Variants in CIT observed in about 807,000 individuals in gnomAD.
CIT encodes citron Rho-interacting kinase.
Under a neutral mutation model 272.7 loss-of-function variants are expected in CIT, and 79 were observed. The ratio of observed to expected loss-of-function variants is 0.29; its 90% CI spans 0.24 to 0.35. CIT has a LOEUF of 0.35. CIT is among the 10% of genes least tolerant of loss of function. The pLI, the probability that CIT is intolerant of heterozygous loss-of-function variation, is 1.00. For missense variants in CIT, 1,909 were observed against 2,618.3 expected (o/e 0.73, Z 5.91); for synonymous variants, 948 against 995.6 (o/e 0.95, Z 0.90).
intron 24 of CIT, among the ~76,000 whole-genome samples, chr12:119,738,171 T>G (rs1369856437): frequency 6.6e-6 from 1 of 152,178 alleles, no homozygotes; most frequent in Non-Finnish European, 1.5e-5. Context: ...AACTCAAGAA[T>G]CTACATTCTT....
chr12:119,810,338 G>A (rs2137938342), intron 9 of CIT, among the ~76,000 whole-genome samples: 1 of 152,252 alleles, frequency 6.6e-6, no homozygotes, highest in South Asian at 2.1e-4. Context: ...CTTCTGTGGT[G>A]TTGACAGTTA....
chr12:119,829,398 AGAG>A (rs1430828856), intron 7 of CIT, among the ~76,000 whole-genome samples: 4 of 145,228 alleles, frequency 2.8e-5, no homozygotes, highest in African/African-American at 1.0e-4. Flanking sequence ...AGAGAAGAGA[AGAG>A]AAGAGCTTAC....
chr12:119,860,862 T>C, intron 3 of CIT, among the ~76,000 whole-genome samples: 1 of 150,588 alleles, frequency 6.6e-6, no homozygotes, highest in East Asian at 1.9e-4. Context: ...GGCTCAGGCC[T>C]GTAATCCCAG....
chr12:119,800,274 A>C (rs984253398), intron 10 of CIT, among the ~76,000 whole-genome samples: 13 of 151,876 alleles, frequency 8.6e-5, no homozygotes, highest in African/African-American at 3.1e-4. Flanking sequence ...TTTCACCATA[A>C]CCCCACCCCA....
Position 119,873,780 on chromosome 12 carries a change from G to GAA in CIT, c.96+2291_96+2292dup, listed in dbSNP as rs11403683. 4.5e-3 allele frequency among the ~76,000 whole-genome samples: 665 copies of GAA among 148,032 alleles called. 5 individuals carry two copies. The highest frequency in any genetic ancestry group is 0.012 in the African/African-American group (494 of 40,538). On this transcript the variant is annotated intron_variant, in intron 2 of 47. Coordinates refer to ENST00000392521, the MANE Select transcript of CIT (RefSeq NM_001206999.2). ...TTAAACACCCAATACCAATATTTTG[G>GAA]AAAAAAAAAAAAGTTATCAAGAATA...
At chr12:119,800,976 C>T (rs1217952125) in intron 10 of CIT, among the ~76,000 whole-genome samples, 1 of 152,168 alleles carries the variant, frequency 6.6e-6, no homozygotes, top group African/African-American at 2.4e-5. Context: ...AGTCCAATAG[C>T]AATAACACAT....
At chr12:119,756,493 T>C (rs1427489841) in intron 22 of CIT, among the ~76,000 whole-genome samples, 1 of 152,170 alleles carries the variant, frequency 6.6e-6, no homozygotes, top group Non-Finnish European at 1.5e-5. Flanking sequence ...TGGTGCCCTA[T>C]GCAGATGAAG....
Position 119,758,718 on chromosome 12 carries a change from T to C in CIT, c.2422-18A>G, listed in dbSNP as rs748099061. On this transcript the variant is annotated intron_variant, in intron 20 of 47. Transcript: ENST00000392521. ...TTGATCATCTGAAACACAGGGCACC[T>C]ATGAAACTTCACACACCAGAACAGG... 7.2e-6 allele frequency: 11 copies of C among 1,522,396 alleles called. No individual in the cohort carries two copies. The African/African-American group carries it at 1.5e-4, about 21-fold the overall frequency. The allele number at this position is 1,522,396 out of a possible 1,614,324, so 94.3% of individuals were successfully genotyped here.
In CIT at chr12:119,728,221, C is replaced by T. The variant is rs1272153703; in HGVS notation, c.3591+281G>A. Among the ~76,000 whole-genome samples, 1 of 152,146 alleles carries T rather than the reference C, an allele frequency of 6.6e-6. No individual in the cohort carries two copies. Among genetic ancestry groups the T allele is most frequent in the Non-Finnish European group, 1.5e-5 (1 of 68,034 alleles). Reference sequence around the variant, plus strand: ...AACTGTCATTACACATTTGTCAAAACCCATAGAACATACAACACCAATAGC... The same window carrying T: ...AACTGTCATTACACATTTGTCAAAATCCATAGAACATACAACACCAATAGC... On this transcript the variant is annotated intron_variant, in intron 28 of 47. Coordinates refer to ENST00000392521, the MANE Select transcript of CIT (RefSeq NM_001206999.2). This position sits in a 1 kb window ranked among gnomAD's most constrained non-coding sequence, Gnocchi z 4.3.
intron 10 of CIT, among the ~76,000 whole-genome samples, chr12:119,792,896 A>G (rs1253051783): frequency 1.3e-5 from 2 of 151,700 alleles, no homozygotes; most frequent in Admixed American, 6.6e-5. Context: ...TGGGAGGCGG[A>G]GGTTGTCTTG....
chr12:119,822,428 T>C (rs1158764982), intron 9 of CIT, among the ~76,000 whole-genome samples: 1 of 152,234 alleles, frequency 6.6e-6, no homozygotes, highest in Admixed American at 6.5e-5. Flanking sequence ...AACTCAGCCA[T>C]TAGCAGAACA....
Position 119,717,834 on chromosome 12 carries a change from C to CT in CIT, c.4168+410dup, listed in dbSNP as rs546520444. Among the ~76,000 whole-genome samples the CT allele has an allele frequency of 1.0e-3, 72 of 70,214 alleles. 1 individual carries two copies. The highest frequency in any genetic ancestry group is 3.1e-3 in the African/African-American group (63 of 20,086). The allele number at this position is 70,214 out of a possible 152,430, so 46.1% of individuals were successfully genotyped here. ...GGATGGGGAGCCAGGAGACTGACTT[C>CT]TTTCTTTTTTTTTTTTTTTTTTTTG... On this transcript the variant is annotated intron_variant, in intron 32 of 47. Transcript: ENST00000392521.
chr12:119,847,133 C>T (rs1407806178), intron 5 of CIT, among the ~76,000 whole-genome samples: 3 of 152,048 alleles, frequency 2.0e-5, no homozygotes, highest in African/African-American at 7.2e-5. Flanking sequence ...TACAGGCACC[C>T]GCCACCATAC....
intron 46 of CIT, among the ~76,000 whole-genome samples, chr12:119,695,715 G>C (rs1337038166): frequency 6.6e-6 from 1 of 152,072 alleles, no homozygotes; most frequent in Non-Finnish European, 1.5e-5. Flanking sequence ...AGGATCACCT[G>C]AGCCCAGAGG....
chr12:119,784,798 C>G lies in CIT; in HGVS notation c.1401+162G>C. 1 of 1,439,698 alleles carries G rather than the reference C, an allele frequency of 6.9e-7. No individual in the cohort carries two copies. The highest frequency in any genetic ancestry group is 9.1e-7 in the Non-Finnish European group (1 of 1,098,812). 89.2% of individuals were successfully genotyped at this position (1,439,698 alleles called of 1,614,324 possible). Reference sequence around the variant, plus strand: ...GCAACAGCAAGGCCCGAATTCATCTCCCTCTGAGCTGCTGGAGGCGCGACT... The same window carrying G: ...GCAACAGCAAGGCCCGAATTCATCTGCCTCTGAGCTGCTGGAGGCGCGACT... On this transcript the variant is annotated intron_variant, in intron 11 of 47. Coordinates refer to ENST00000392521, the MANE Select transcript of CIT (RefSeq NM_001206999.2). The surrounding 1 kb of genome is among the most constrained non-coding windows in gnomAD (Gnocchi z 4.7).
chr12:119,742,713 C>T (rs1011823561), intron 23 of CIT: 4 of 353,606 alleles, frequency 1.1e-5, no homozygotes, highest in East Asian at 4.3e-5. Flanking sequence ...ATATTTTTAA[C>T]ATTTATATTA....
At chr12:119,756,381 C>G (rs1361909965) in intron 22 of CIT, among the ~76,000 whole-genome samples, 2 of 152,192 alleles carry the variant, frequency 1.3e-5, no homozygotes, top group African/African-American at 4.8e-5. Context: ...GGCCCAGTTA[C>G]AAAGTTTTCT....
At chr12:119,844,868 C>A (rs1172424430) in intron 5 of CIT, among the ~76,000 whole-genome samples, 1 of 152,132 alleles carries the variant, frequency 6.6e-6, no homozygotes, top group Non-Finnish European at 1.5e-5. Flanking sequence ...CGCCTGTAAT[C>A]CCAGCACTCT....
At chr12:119,708,087 A>G (rs1956970180) in intron 40 of CIT, 92 bp downstream of exon 40, 1 of 1,324,316 alleles carries the variant, frequency 7.6e-7, no homozygotes, top group African/African-American at 1.5e-5. Flanking sequence ...AGTTGACACT[A>G]TCTTGAAGGT....
Sources: gnomAD v4.1 joint callset for allele counts (sites outside exome capture counted in the v4.1 genomes callset) on GRCh38, gnomAD v4.1.1 for gene constraint, Gnocchi (gnomAD v3.1) non-coding constraint, MANE v1.5 for transcripts, NCBI Gene and HGNC (gene_info 2026-07-23, HGNC 2026-07-21) for gene names.